Variants in PRKN observed in about 807,000 individuals in gnomAD.
PRKN encodes the protein E3 ubiquitin-protein ligase parkin.
PRKN carries 56 observed loss-of-function variants against 59.5 expected under a neutral mutation model. The ratio of observed to expected loss-of-function variants is 0.94; its 90% CI spans 0.76 to 1.18. The LOEUF is 1.18. Ranked by LOEUF, PRKN falls within the 50% of genes most tolerant of loss-of-function variation. The pLI, the probability that PRKN is intolerant of heterozygous loss-of-function variation, is 0.00. For missense variants in PRKN, 657 were observed against 596.4 expected (o/e 1.10, Z -1.06); for synonymous variants, 250 against 222.1 (o/e 1.13, Z -1.12).
At chr6:161,557,186 C>T (rs1040590565) in intron 8 of PRKN, among the ~76,000 whole-genome samples, 7 of 152,284 alleles carry the variant, frequency 4.6e-5, no homozygotes, top group African/African-American at 1.7e-4. Flanking sequence ...TGACTCACTG[C>T]TATACTTTCT....
chr6:161,432,175 ATTTAT>A (rs1419109212), intron 9 of PRKN, among the ~76,000 whole-genome samples: 1 of 152,152 alleles, frequency 6.6e-6, no homozygotes, highest in African/African-American at 2.4e-5. Context: ...GAACAGATAG[ATTTAT>A]TTTAGTTTGT....
chr6:162,182,838 C>G (rs1415429640), intron 4 of PRKN, among the ~76,000 whole-genome samples: 1 of 152,120 alleles, frequency 6.6e-6, no homozygotes, highest in East Asian at 1.9e-4. Flanking sequence ...CTTTGTCACA[C>G]TGTCTTAAAT....
intron 2 of PRKN, among the ~76,000 whole-genome samples, chr6:162,311,874 CTG>C (rs1782533146): frequency 6.6e-6 from 1 of 151,896 alleles, no homozygotes; most frequent in African/African-American, 2.4e-5. Context: ...TTTCTTTTCA[CTG>C]TCTTTCTGTC....
chr6:162,543,404 C>A (rs35136541), intron 1 of PRKN, among the ~76,000 whole-genome samples: 13,204 of 152,084 alleles, frequency 0.087, 717 homozygotes, highest in South Asian at 0.18. Context: ...CAGCTGCTCA[C>A]ATCTTTCCTC....
intron 4 of PRKN, among the ~76,000 whole-genome samples, chr6:162,063,930 T>TAC (rs61001681): frequency 2.0e-5 from 3 of 151,508 alleles, no homozygotes; most frequent in Non-Finnish European, 4.4e-5. Flanking sequence ...AAAATGAAAA[T>TAC]ACACACACAC....
At chr6:162,687,321 G>A (rs1777606454) in intron 1 of PRKN, among the ~76,000 whole-genome samples, 1 of 151,768 alleles carries the variant, frequency 6.6e-6, no homozygotes, top group East Asian at 1.9e-4. Flanking sequence ...GAGTAGCTGG[G>A]ACTACAGGTG....
At position 161,548,905 on chromosome 6, in the gene PRKN, C is replaced by T. The variant is rs1258915805; in HGVS notation, c.1032G>A (p.Glu344=). The T allele has an allele frequency of 6.2e-7, 1 of 1,614,184 alleles. No homozygotes were observed. Among genetic ancestry groups the T allele is most frequent in the Non-Finnish European group, 8.5e-7 (1 of 1,180,022 alleles). ...RPGCGAGLLP[E]PDQRKVTCEG... The stretch of plus-strand genomic sequence containing the variant: ...CGCAGGTGACTTTCCTCTGGTCAGG[C>T]TCCGGCAGCAGCCCCGCTCCACAGC... The change falls in exon 9 of 12, where the codon GAG becomes GAA. Residue 344 remains glutamate (E), a synonymous_variant. Coordinates refer to ENST00000366898, the MANE Select transcript of PRKN (RefSeq NM_004562.3). The surrounding 1 kb of genome is among the most constrained non-coding windows in gnomAD (Gnocchi z 4.2).
intron 4 of PRKN, among the ~76,000 whole-genome samples, chr6:162,200,663 C>G (rs1784688216): frequency 6.6e-6 from 1 of 152,160 alleles, no homozygotes; most frequent in African/African-American, 2.4e-5. Context: ...GATCCATACT[C>G]TTTTTTTACT....
chr6:162,621,805 T>C (rs1022985654), intron 1 of PRKN, among the ~76,000 whole-genome samples: 3 of 152,170 alleles, frequency 2.0e-5, no homozygotes, highest in Non-Finnish European at 4.4e-5. Context: ...GAGTTAATCT[T>C]CAATTTATTT....
chr6:162,126,799 C>T (rs537403151), intron 4 of PRKN, among the ~76,000 whole-genome samples: 3 of 151,534 alleles, frequency 2.0e-5, no homozygotes, highest in Admixed American at 6.6e-5. Context: ...TACTCTAATT[C>T]ATTTTCCTGT....
At chr6:161,756,470 A>C (rs1044514119) in intron 7 of PRKN, among the ~76,000 whole-genome samples, 18 of 129,300 alleles carry the variant, frequency 1.4e-4, no homozygotes, top group African/African-American at 4.3e-4. Context: ...AAAAAAAAAA[A>C]CACTTTCTCT....
In PRKN at chr6:161,527,759, T is replaced by G. The variant is rs145279711; in HGVS notation, c.1083+21095A>C. 8.1e-4 allele frequency among the ~76,000 whole-genome samples: 123 copies of G among 152,292 alleles called. No individual in the cohort carries two copies. Among genetic ancestry groups the G allele is most frequent in the African/African-American group, 2.8e-3 (117 of 41,554 alleles). On this transcript the variant is annotated intron_variant, in intron 9 of 11. Coordinates refer to ENST00000366898, the MANE Select transcript of PRKN (RefSeq NM_004562.3). This position sits in a 1 kb window ranked among gnomAD's most constrained non-coding sequence, Gnocchi z 4.6. ...ATCAGAACATTCTCCGGCTCTCCAG[T>G]CTTCTTTATTAGACTGGCCTCTACA...
At position 161,414,491 on chromosome 6, in the gene PRKN, C is replaced by A. The variant is rs1054918749; in HGVS notation, c.1084-27614G>T. 6.6e-6 allele frequency among the ~76,000 whole-genome samples: 1 copy of A among 152,200 alleles called. No homozygotes were observed. The highest frequency in any genetic ancestry group is 1.9e-4 in the East Asian group (1 of 5,190). ...CTCAAATGTTCTCTGATCTCCTGTT[C>A]GAAGCAAATAACAGAGTGCTAAAAT... On this transcript the variant is annotated intron_variant, in intron 9 of 11. Coordinates refer to ENST00000366898, the MANE Select transcript of PRKN (RefSeq NM_004562.3). This position sits in a 1 kb window ranked among gnomAD's most constrained non-coding sequence, Gnocchi z 5.3.
intron 6 of PRKN, among the ~76,000 whole-genome samples, chr6:161,815,157 A>C (rs1048144650): frequency 1.3e-5 from 2 of 152,182 alleles, no homozygotes; most frequent in African/African-American, 4.8e-5. Flanking sequence ...TACAACCTAC[A>C]CAACTGCAAG....
At chr6:162,130,439 C>A (rs1476187988) in intron 4 of PRKN, among the ~76,000 whole-genome samples, 1 of 152,078 alleles carries the variant, frequency 6.6e-6, no homozygotes, top group Admixed American at 6.6e-5. Context: ...TCAAGGTTTA[C>A]AGAGCAGGTC....
Position 162,560,853 on chromosome 6 carries a change from C to CAAAAAAA in PRKN, c.8-117387_8-117381dup, listed in dbSNP as rs60391138. On this transcript the variant is annotated intron_variant, in intron 1 of 11. Coordinates refer to ENST00000366898, the MANE Select transcript of PRKN (RefSeq NM_004562.3). ...CAATTAAAGCCCAGAGAGAGAGAGG[C>CAAAAAAA]AAAAAAAAAAAAAACCCAGGTCATT... 5.7e-4 allele frequency among the ~76,000 whole-genome samples: 32 copies of CAAAAAAA among 56,512 alleles called. 1 individual carries two copies. Among genetic ancestry groups the CAAAAAAA allele is most frequent in the African/African-American group, 2.3e-3 (28 of 12,414 alleles). 37.1% of individuals were successfully genotyped at this position (56,512 alleles called of 152,430 possible).
intron 7 of PRKN, among the ~76,000 whole-genome samples, chr6:161,574,775 G>A: frequency 6.6e-6 from 1 of 152,084 alleles, no homozygotes; most frequent in East Asian, 1.9e-4. Context: ...TTTTTCTTAA[G>A]CACAAGGTTC....
At chr6:162,178,173 C>T (rs1783626770) in intron 4 of PRKN, among the ~76,000 whole-genome samples, 1 of 152,164 alleles carries the variant, frequency 6.6e-6, no homozygotes, top group Admixed American at 6.5e-5. Flanking sequence ...CCTCTAGGCT[C>T]CTGGGAAAGA....
At chr6:161,842,062 G>T (rs929817211) in intron 6 of PRKN, among the ~76,000 whole-genome samples, 10 of 152,034 alleles carry the variant, frequency 6.6e-5, no homozygotes. Flanking sequence ...TTTCTTTCCT[G>T]TACTCCTTAC....
Sources: gnomAD v4.1 joint callset for allele counts (sites outside exome capture counted in the v4.1 genomes callset) on GRCh38, gnomAD v4.1.1 for gene constraint, Gnocchi (gnomAD v3.1) non-coding constraint, MANE v1.5 for transcripts, NCBI Gene and HGNC (gene_info 2026-07-23, HGNC 2026-07-21) for gene names.